PKHD1L1: variants seen among roughly 807,000 people sequenced by gnomAD.
PKHD1L1 encodes the protein fibrocystin-L.
A neutral mutation model predicts 462.9 loss-of-function variants in PKHD1L1; 434 were observed. The observed-to-expected ratio is 0.94, with a 90% confidence interval of 0.87 to 1.02. The LOEUF is 1.02. Ranked by LOEUF, PKHD1L1 falls within the 50% of genes least tolerant of loss-of-function variation. The pLI, the probability that PKHD1L1 is intolerant of heterozygous loss-of-function variation, is 0.00. For missense variants in PKHD1L1, 5,202 were observed against 5,096.1 expected (o/e 1.02, Z -0.63); for synonymous variants, 1,781 against 1,750.0 (o/e 1.02, Z -0.44).
At chr8:109,413,283 A>G (rs1813954819) in intron 20 of PKHD1L1, 138 bp from the exon 21 acceptor site, 1 of 598,450 alleles carries the variant, frequency 1.7e-6, no homozygotes, top group Non-Finnish European at 2.5e-6. Flanking sequence ...GAAATTAATC[A>G]TTTATTTCTC....
In PKHD1L1 at chr8:109,454,721, A is replaced by G; in HGVS notation, c.6745-2A>G. Reference sequence around the variant, plus strand: ...GAATGGCATTTGTGACATCTTTTGCAGATTGGAACAGAGACATCCCCATTC... The same window carrying G: ...GAATGGCATTTGTGACATCTTTTGCGGATTGGAACAGAGACATCCCCATTC... On this transcript the variant is annotated splice_acceptor_variant, in intron 44 of 77. Transcript: ENST00000378402. LOFTEE classifies it high-confidence loss of function. The G allele has an allele frequency of 6.2e-7, 1 of 1,612,616 alleles. No individual in the cohort carries two copies. Among genetic ancestry groups the G allele is most frequent in the Non-Finnish European group, 8.5e-7 (1 of 1,179,278 alleles).
rs1818353544 is a variant in PKHD1L1, at chr8:109,483,121, A to T, written c.9576+16A>T. 3 of 1,540,490 alleles carry T rather than the reference A, an allele frequency of 1.9e-6. No homozygotes were observed. The highest frequency in any genetic ancestry group is 1.2e-5 in the South Asian group (1 of 83,014). ...GGATTGGCAGGTAGACAAAATAATT[A>T]TGTAATGGAAAATGAATATACACAG... is the stretch of plus-strand genomic sequence containing the variant. On this transcript the variant is annotated intron_variant, in intron 57 of 77. Coordinates refer to ENST00000378402, the MANE Select transcript of PKHD1L1 (RefSeq NM_177531.6).
rs147434460 is a variant in PKHD1L1 at position 109,436,554 on chromosome 8, G to A, written c.3627+95G>A. The A allele has an allele frequency of 1.4e-3, 2,073 of 1,527,080 alleles. 5 individuals carry two copies. The highest frequency in any genetic ancestry group is 1.4e-3 in the Non-Finnish European group (1,597 of 1,146,162). The allele number at this position is 1,527,080 out of a possible 1,614,324, so 94.6% of individuals were successfully genotyped here. A position where few individuals can be genotyped will look rare whatever the true frequency, so the allele number is the denominator to read the frequency against. On this transcript the variant is annotated intron_variant, in intron 30 of 77. Coordinates refer to ENST00000378402, the MANE Select transcript of PKHD1L1 (RefSeq NM_177531.6). ...TGGGGCGGGGGGTGAAACAAGTGGTGTATTTACTTAGGAACTGCAGGGTTT... is the reference window on the plus strand; with the variant it reads ...TGGGGCGGGGGGTGAAACAAGTGGTATATTTACTTAGGAACTGCAGGGTTT...
chr8:109,463,430 T>TAA (rs1554583206), intron 48 of PKHD1L1, among the ~76,000 whole-genome samples: 1 of 38,806 alleles, frequency 2.6e-5, no homozygotes, highest in Non-Finnish European at 6.4e-5. Flanking sequence ...AAATATGGAC[T>TAA]GAGATTGCTA....
chr8:109,388,770 GA>G (rs1266503905), intron 7 of PKHD1L1, among the ~76,000 whole-genome samples: 7 of 151,986 alleles, frequency 4.6e-5, no homozygotes, highest in Admixed American at 2.6e-4. Context: ...AGATTTTTAT[GA>G]AAAAAGATGT....
At chr8:109,411,619 G>C (rs1458968044) in intron 19 of PKHD1L1, among the ~76,000 whole-genome samples, 1 of 152,060 alleles carries the variant, frequency 6.6e-6, no homozygotes. Flanking sequence ...TAACCTTACA[G>C]TTTGCATTCC....
chr8:109,492,125 A>AT (rs371007060), intron 62 of PKHD1L1, 131 bp downstream of exon 62: 34,226 of 487,028 alleles, frequency 0.07, 581 homozygotes, highest in African/African-American at 0.2. Flanking sequence ...ATGGCCATTG[A>AT]TTTTTTTTTT....
chr8:109,526,616 C>A (rs1347241063), intron 76 of PKHD1L1, among the ~76,000 whole-genome samples, 168 bp from the exon 77 acceptor site: 1 of 152,192 alleles, frequency 6.6e-6, no homozygotes, highest in Non-Finnish European at 1.5e-5. Flanking sequence ...AACTCTGAGA[C>A]CCTGTCTATA....
At chr8:109,378,993 C>T (rs534201263) in intron 2 of PKHD1L1, among the ~76,000 whole-genome samples, 1 of 152,292 alleles carries the variant, frequency 6.6e-6, no homozygotes, top group South Asian at 2.1e-4. Context: ...GAGCTTCTCT[C>T]TGTGGCCACC....
chr8:109,520,496 A>G (rs1478659170), intron 73 of PKHD1L1, among the ~76,000 whole-genome samples: 1 of 152,140 alleles, frequency 6.6e-6, no homozygotes, highest in East Asian at 1.9e-4. Flanking sequence ...TGTTAGATTT[A>G]TCCAGACAGG....
rs761415643 is a variant in PKHD1L1 at position 109,534,535 on chromosome 8, G to A, written c.*4445G>A. Reference sequence around the variant, plus strand: ...TTGGGTTGGGGAACCTACCAAAACAGTGGGAGAGTCTTGCCCTTTTTCTAA... The same window carrying A: ...TTGGGTTGGGGAACCTACCAAAACAATGGGAGAGTCTTGCCCTTTTTCTAA... On this transcript the variant is annotated 3_prime_UTR_variant, in exon 78 of 78. Coordinates refer to ENST00000378402, the MANE Select transcript of PKHD1L1 (RefSeq NM_177531.6). 2.0e-5 allele frequency among the ~76,000 whole-genome samples: 3 copies of A among 152,140 alleles called. No homozygotes were observed. Among genetic ancestry groups the A allele is most frequent in the South Asian group, 2.1e-4 (1 of 4,832 alleles).
Position 109,438,946 on chromosome 8 carries a change from AC to A in PKHD1L1, c.3811del (p.Gln1271LysfsTer38), listed in dbSNP as rs1236312588. 6.2e-7 allele frequency: 1 copy of A among 1,613,302 alleles called. No homozygotes were observed. The highest frequency in any genetic ancestry group is 8.5e-7 in the Non-Finnish European group (1 of 1,179,562). On this transcript the variant is annotated frameshift_variant, in exon 32 of 78. Transcript: ENST00000378402. LOFTEE classifies it high-confidence loss of function. ...KGYNFGNELT[Q>X]NMAVYVGGKT... ...GCTATAATTTTGGAAATGAACTCAC[AC>A]AAAACATGGCGGTGTATGTTGGAGG...
chr8:109,518,260 T>C lies in PKHD1L1; in HGVS notation c.11783T>C (p.Ile3928Thr), dbSNP rs1043876414. The C allele has an allele frequency of 4.3e-6, 7 of 1,610,796 alleles. No homozygotes were observed. The African/African-American group carries it at 8.0e-5, about 18-fold the overall frequency. ...CTTTATCTTTTGGTTAAAGGAACTATACCTGTTGAAATTCACACTGCCACA... is the reference window on the plus strand; with the variant it reads ...CTTTATCTTTTGGTTAAAGGAACTACACCTGTTGAAATTCACACTGCCACA... Reference protein sequence around the residue: ...QMLYLLVKGTIPVEIHTATVI... With the variant: ...QMLYLLVKGTTPVEIHTATVI... The change falls in exon 73 of 78, where the codon ATA becomes ACA. Residue 3928 changes from isoleucine (I) to threonine (T), a missense_variant. Physicochemically the swap from Ile to Thr is moderately conservative, Grantham distance 89. Coordinates refer to ENST00000378402, the MANE Select transcript of PKHD1L1 (RefSeq NM_177531.6).
chr8:109,458,821 A>G (rs1164362418), intron 46 of PKHD1L1, among the ~76,000 whole-genome samples: 1 of 152,160 alleles, frequency 6.6e-6, no homozygotes, highest in Non-Finnish European at 1.5e-5. Context: ...AAGCATTGAC[A>G]CACTTGTCTC....
chr8:109,463,614 T>G (rs1817257406), intron 48 of PKHD1L1, among the ~76,000 whole-genome samples: 1 of 152,084 alleles, frequency 6.6e-6, no homozygotes, highest in African/African-American at 2.4e-5. Flanking sequence ...TATTAAATTA[T>G]TAAATCATAG....
In PKHD1L1 at chr8:109,435,479, T is replaced by A. The variant is rs1051334424; in HGVS notation, c.3505+125T>A. ...TCCTCTTATAGAACAAAGGAAAGTC[T>A]CCTTCGAGAAGGTACAGTGATTAAA... On this transcript the variant is annotated intron_variant, in intron 29 of 77. Coordinates refer to ENST00000378402, the MANE Select transcript of PKHD1L1 (RefSeq NM_177531.6). 3 of 1,053,532 alleles carry A rather than the reference T, an allele frequency of 2.8e-6. No homozygotes were observed. In the African/African-American group the frequency reaches 4.8e-5, roughly 17 times the overall value. The allele number at this position is 1,053,532 out of a possible 1,614,324, so 65.3% of individuals were successfully genotyped here.
In PKHD1L1 at chr8:109,429,237, T is replaced by A. The variant is rs1814946075; in HGVS notation, c.3001-103T>A. 2.9e-6 allele frequency: 3 copies of A among 1,020,032 alleles called. No homozygotes were observed. The African/African-American group carries it at 5.0e-5, about 17-fold the overall frequency. 63.2% of individuals were successfully genotyped at this position (1,020,032 alleles called of 1,614,324 possible). A position where few individuals can be genotyped will look rare whatever the true frequency, so the allele number is the denominator to read the frequency against. On this transcript the variant is annotated intron_variant, in intron 25 of 77. Transcript: ENST00000378402. ...GGTTTTGAATTTTATTTTACATTCT[T>A]TGACTTTTATTCACCTTTGCCTATG...
intron 10 of PKHD1L1, among the ~76,000 whole-genome samples, chr8:109,394,690 T>A (rs1324644241): frequency 6.6e-6 from 1 of 152,170 alleles, no homozygotes; most frequent in Non-Finnish European, 1.5e-5. Context: ...ATTCTTAGTT[T>A]AAGATTGATT....
At chr8:109,411,629 C>T (rs1250882415) in intron 19 of PKHD1L1, among the ~76,000 whole-genome samples, 1 of 152,234 alleles carries the variant, frequency 6.6e-6, no homozygotes, top group African/African-American at 2.4e-5. Flanking sequence ...GTTTGCATTC[C>T]CAGCACCATG....
Sources: allele counts gnomAD v4.1 joint callset (sites outside exome capture counted in the v4.1 genomes callset), GRCh38; gene constraint gnomAD v4.1.1; transcripts MANE v1.5; gene names NCBI Gene and HGNC (gene_info 2026-07-23, HGNC 2026-07-21).